CSF1: variants seen among roughly 807,000 people sequenced by gnomAD.
CSF1 encodes colony stimulating factor 1.
CSF1 carries 9 observed loss-of-function variants against 48.9 expected under a neutral mutation model. That is an observed-to-expected ratio of 0.18 (90% CI 0.11 to 0.32). The LOEUF (loss-of-function observed/expected upper bound fraction) is 0.32, where lower values mean the gene tolerates loss of function less well. CSF1 is among the 10% of genes least tolerant of loss of function. The pLI is 1.00. For missense variants in CSF1, 672 were observed against 697.9 expected, an observed-to-expected ratio of 0.96 and a Z score of 0.42; for synonymous variants, 305 against 284.1, an observed-to-expected ratio of 1.07 and a Z score of -0.74.
chr1:109,927,636 A>T (rs562123749), intron 8 of CSF1, among the ~76,000 whole-genome samples: 1 of 152,154 alleles, frequency 6.6e-6, no homozygotes, highest in South Asian at 2.1e-4. Context: ...TGGAGAGGGA[A>T]TCCAGGGCAG....
chr1:109,917,894 G>T lies in CSF1; in HGVS notation c.396+431G>T, dbSNP rs1017480564. The stretch of plus-strand genomic sequence containing the variant: ...ACATTCCTGGAACTTACATTTGGGG[G>T]TGACGGTAGTGGTGGTGAGACAGTT... On this transcript the variant is annotated intron_variant, in intron 4 of 8. Coordinates refer to ENST00000329608, the MANE Select transcript of CSF1 (RefSeq NM_000757.6). 2.6e-5 allele frequency among the ~76,000 whole-genome samples: 4 copies of T among 152,340 alleles called. No individual in the cohort carries two copies. The South Asian group carries it at 6.2e-4, about 24-fold the overall frequency.
Position 109,930,656 on chromosome 1 carries a change from A to T in CSF1, c.*1818A>T, listed in dbSNP as rs1256202590. 1 of 152,208 alleles carries T rather than the reference A, an allele frequency of 6.6e-6. No homozygotes were observed. The allele number at this position is 152,208 out of a possible 1,614,324, so 9.4% of individuals were successfully genotyped here. ...AACACATATTTTTAAATGGAAGAAA[A>T]ATAAAAAGGCATTCCCCCTTCATCC... On this transcript the variant is annotated 3_prime_UTR_variant, in exon 9 of 9. Coordinates refer to ENST00000329608, the MANE Select transcript of CSF1 (RefSeq NM_000757.6).
chr1:109,923,015 A>C (rs562759503), intron 5 of CSF1, 151 bp from the exon 6 acceptor site: 377 of 685,276 alleles, frequency 5.5e-4, no homozygotes, highest in Non-Finnish European at 5.0e-4. Context: ...CTCTAGTCCC[A>C]TCCTCTTCTC....
At chr1:109,927,177 G>T (rs1647878873) in intron 8 of CSF1, among the ~76,000 whole-genome samples, 1 of 152,240 alleles carries the variant, frequency 6.6e-6, no homozygotes, top group South Asian at 2.1e-4. Context: ...TGACTAGCTG[G>T]GGTGACCCAG....
At position 109,923,317 on chromosome 1, in the gene CSF1, C is replaced by G; in HGVS notation, c.696C>G (p.Ser232Arg). ...TWEDSEGTEGSSLLPGEQPLH... is the reference protein window; with the variant it reads ...TWEDSEGTEGRSLLPGEQPLH... The stretch of plus-strand genomic sequence containing the variant: ...AGGACTCTGAGGGAACTGAGGGCAG[C>G]TCCCTCTTGCCTGGTGAGCAGCCCC... The change falls in exon 6 of 9, where the codon AGC (serine) becomes AGG (arginine). Residue 232 changes from serine (S) to arginine (R), a missense_variant. By Grantham distance (110) the Ser-to-Arg change is moderately radical. Coordinates refer to ENST00000329608, the MANE Select transcript of CSF1 (RefSeq NM_000757.6). The G allele has an allele frequency of 6.2e-7, 1 of 1,612,710 alleles. No homozygotes were observed. Among genetic ancestry groups the G allele is most frequent in the Non-Finnish European group, 8.5e-7 (1 of 1,179,306 alleles).
Position 109,924,796 on chromosome 1 carries a change from A to G in CSF1, c.1590A>G (p.Arg530=), listed in dbSNP as rs1399591686. 6.9e-6 allele frequency: 11 copies of G among 1,601,228 alleles called. No homozygotes were observed. The highest frequency in any genetic ancestry group is 9.4e-6 in the Non-Finnish European group (11 of 1,173,948). The change falls in exon 7 of 9, where the codon AGA becomes AGG. Residue 530 remains arginine (R), a synonymous_variant. Coordinates refer to ENST00000329608, the MANE Select transcript of CSF1 (RefSeq NM_000757.6). The part of the protein sequence containing the change: ...WRRRSHQEPQ[R]ADSPLEQPEG... ...CTCAGAGCCATCAAGAGCCTCAGAG[A>G]GCGGATTCTCCCTTGGAGCAACCAG...
At position 109,914,338 on chromosome 1, in the gene CSF1, G is replaced by A; in HGVS notation, c.119G>A (p.Ser40Asn). 21 of 1,607,568 alleles carry A rather than the reference G, an allele frequency of 1.3e-5. No individual in the cohort carries two copies. Among genetic ancestry groups the A allele is most frequent in the Non-Finnish European group, 1.8e-5 (21 of 1,176,958 alleles). Residue 40 changes from serine to asparagine, a missense_variant, in exon 2 of 9, where the codon AGC becomes AAC. Physicochemically the swap from Ser to Asn is conservative, Grantham distance 46 (BLOSUM62 1). Coordinates refer to ENST00000329608, the MANE Select transcript of CSF1 (RefSeq NM_000757.6). ...SITEEVSEYC[S>N]HMIGSGHLQS... ...ACCGAGGAGGTGTCGGAGTACTGTA[G>A]CCACATGATTGGGAGTGGACACCTG...
At chr1:109,910,675 TG>T, upstream of CSF1, 1 of 13,214 alleles carries the variant, frequency 7.6e-5, no homozygotes, top group Non-Finnish European at 1.3e-4. Flanking sequence ...GGCCGGCGGG[TG>T]GGGGAGGGGA....
intron 6 of CSF1, 52 bp from the exon 7 acceptor site, chr1:109,924,724 G>GC (rs1277102360): frequency 8.6e-5 from 131 of 1,517,104 alleles, no homozygotes; most frequent in East Asian, 3.2e-4. Context: ...ATGGGCCACC[G>GC]CCCCCCCACA....
intron 7 of CSF1, 107 bp downstream of exon 7, chr1:109,924,935 C>A: frequency 1.7e-6 from 2 of 1,198,604 alleles, no homozygotes; most frequent in Non-Finnish European, 1.2e-6. Context: ...GGAAATGGAG[C>A]TGCAGAACAG....
Position 109,910,940 on chromosome 1 carries a change from C to T in CSF1, c.-84C>T. On this transcript the variant is annotated 5_prime_UTR_variant, in exon 1 of 9. Coordinates refer to ENST00000329608, the MANE Select transcript of CSF1 (RefSeq NM_000757.6). ...CCCAGGACAGCGGTGCGGCCCTCGG[C>T]CGGGGCGCCCACTCCGCAGCAGCCA... 1 of 1,042,970 alleles carries T rather than the reference C, an allele frequency of 9.6e-7. No homozygotes were observed. Among genetic ancestry groups the T allele is most frequent in the Non-Finnish European group, 1.2e-6 (1 of 844,528 alleles). The allele number at this position is 1,042,970 out of a possible 1,614,324, so 64.6% of individuals were successfully genotyped here.
At position 109,929,424 on chromosome 1, in the gene CSF1, T is replaced by G. The variant is rs576871133; in HGVS notation, c.*586T>G. ...GGCCTCTGGACCTGCTGGTCTGCAC[T>G]GACAGCCTGAAGGGTCTACACCCTC... On this transcript the variant is annotated 3_prime_UTR_variant, in exon 9 of 9. Transcript: ENST00000329608. The G allele has an allele frequency of 6.5e-6, 1 of 152,772 alleles. No individual in the cohort carries two copies. Among genetic ancestry groups the G allele is most frequent in the East Asian group, 1.9e-4 (1 of 5,178 alleles). 9.5% of individuals were successfully genotyped at this position (152,772 alleles called of 1,614,324 possible).
chr1:109,910,968 G>C lies in CSF1; in HGVS notation c.-56G>C, dbSNP rs1338199048. The C allele has an allele frequency of 1.1e-4, 114 of 1,066,952 alleles. No individual in the cohort carries two copies. Among genetic ancestry groups the C allele is most frequent in the East Asian group, 6.3e-4 (13 of 20,662 alleles). 66.1% of individuals were successfully genotyped at this position (1,066,952 alleles called of 1,614,324 possible). ...GGGCGCCCACTCCGCAGCAGCCAGC[G>C]AGCGAGCGAGCGAGCGAGGGCGGCC... On this transcript the variant is annotated 5_prime_UTR_variant, in exon 1 of 9. Coordinates refer to ENST00000329608, the MANE Select transcript of CSF1 (RefSeq NM_000757.6).
At chr1:109,919,145 G>C (rs902648507) in intron 4 of CSF1, among the ~76,000 whole-genome samples, 2 of 152,198 alleles carry the variant, frequency 1.3e-5, no homozygotes, top group Non-Finnish European at 1.5e-5. Context: ...AGGAAGTAGA[G>C]ACACCACTGT....
At chr1:109,920,261 C>T (rs1337632615) in intron 4 of CSF1, among the ~76,000 whole-genome samples, 1 of 151,846 alleles carries the variant, frequency 6.6e-6, no homozygotes, top group Non-Finnish European at 1.5e-5. Flanking sequence ...CCATCACTTA[C>T]CAGCTAGGTG....
At chr1:109,915,514 G>T in intron 2 of CSF1, 120 bp from the exon 3 acceptor site, 1 of 785,032 alleles carries the variant, frequency 1.3e-6, no homozygotes, top group Non-Finnish European at 2.2e-6. Context: ...ACGTGTGGTT[G>T]GCAGGGATGA....
In CSF1 at chr1:109,923,227, G is replaced by A. The variant is rs764807646; in HGVS notation, c.606G>A (p.Pro202=). The change falls in exon 6 of 9, where the codon CCG becomes CCA. Residue 202 remains proline, a synonymous_variant. Transcript: ENST00000329608. ...CCAAAGCCATCCCTAGCAGTGACCC[G>A]GCCTCTGTCTCCCCTCATCAGCCCC... is the stretch of plus-strand genomic sequence containing the variant. ...LYPKAIPSSD[P]ASVSPHQPLA... 25 of 1,563,552 alleles carry A rather than the reference G, an allele frequency of 1.6e-5. No homozygotes were observed. Among genetic ancestry groups the A allele is most frequent in the Middle Eastern group, 1.7e-4 (1 of 5,788 alleles).
Position 109,923,529 on chromosome 1 carries a change from G to C in CSF1, c.908G>C (p.Trp303Ser). Residue 303 changes from tryptophan to serine, a missense_variant, in exon 6 of 9, where the codon TGG becomes TCG. Physicochemically the swap from Trp to Ser is radical, Grantham distance 177. Transcript: ENST00000329608. ...CTTGACTCTGCAATGGGCACTAATT[G>C]GGTCCCAGAAGAAGCCTCTGGAGAG... is the stretch of plus-strand genomic sequence containing the variant. ...DILDSAMGTN[W>S]VPEEASGEAS... The C allele has an allele frequency of 4.3e-6, 7 of 1,614,110 alleles. No homozygotes were observed. Among genetic ancestry groups the C allele is most frequent in the Non-Finnish European group, 5.1e-6 (6 of 1,180,004 alleles).
chr1:109,923,313 G>A lies in CSF1; in HGVS notation c.692G>A (p.Gly231Asp), dbSNP rs200796309. Reference protein sequence around the residue: ...LTWEDSEGTEGSSLLPGEQPL... With the variant: ...LTWEDSEGTEDSSLLPGEQPL... ...TGGGAGGACTCTGAGGGAACTGAGGGCAGCTCCCTCTTGCCTGGTGAGCAG... is the reference window on the plus strand; with the variant it reads ...TGGGAGGACTCTGAGGGAACTGAGGACAGCTCCCTCTTGCCTGGTGAGCAG... Residue 231 changes from glycine (G) to aspartate (D), a missense_variant, in exon 6 of 9, where the codon GGC (glycine) becomes GAC (aspartate). Physicochemically the swap from Gly to Asp is moderately conservative, Grantham distance 94. Transcript: ENST00000329608. The A allele has an allele frequency of 4.9e-5, 79 of 1,612,782 alleles. No homozygotes were observed. In the Admixed American group the frequency reaches 1.3e-3, roughly 26 times the overall value.
Sources: gnomAD v4.1 joint callset for allele counts (sites outside exome capture counted in the v4.1 genomes callset) on GRCh38, gnomAD v4.1.1 for gene constraint, MANE v1.5 for transcripts, NCBI Gene and HGNC (gene_info 2026-07-23, HGNC 2026-07-21) for gene names.